Variants in GALNT13 observed in about 807,000 individuals in gnomAD.
GALNT13 encodes the protein UDP-GalNAc:polypeptide N-acetylgalactosaminyltransferase 13.
GALNT13 carries 28 observed loss-of-function variants against 64.2 expected under a neutral mutation model. The observed-to-expected ratio is 0.44, with a 90% CI of 0.32 to 0.60. The LOEUF is 0.60. Ranked by LOEUF, GALNT13 falls within the 20% of genes least tolerant of loss-of-function variation. GALNT13 has a pLI of 0.05. For missense variants in GALNT13, 577 were observed against 669.8 expected, an observed-to-expected ratio of 0.86 and a Z score of 1.53; for synonymous variants, 214 against 224.6, an observed-to-expected ratio of 0.95 and a Z score of 0.42.
intron 3 of GALNT13, among the ~76,000 whole-genome samples, chr2:154,081,068 A>G (rs886838638): frequency 1.3e-5 from 2 of 151,372 alleles, no homozygotes; most frequent in African/African-American, 4.8e-5. Context: ...ATATAAACTG[A>G]GTTTTATGTC....
At chr2:154,301,046 A>C (rs548438072) in intron 8 of GALNT13, among the ~76,000 whole-genome samples, 1 of 152,308 alleles carries the variant, frequency 6.6e-6, no homozygotes, top group Non-Finnish European at 1.5e-5. Flanking sequence ...TTTTTCTCCA[A>C]ATCAAATTTA....
At chr2:153,599,798 A>G in the GALNT13 span, among the ~76,000 whole-genome samples, 2 of 151,974 alleles carry the variant, frequency 1.3e-5, no homozygotes, top group Admixed American at 6.6e-5. Flanking sequence ...TATCTGAAAA[A>G]ACATAATTTA....
the GALNT13 span, among the ~76,000 whole-genome samples, chr2:153,621,095 T>G: frequency 6.6e-6 from 1 of 152,102 alleles, no homozygotes; most frequent in Non-Finnish European, 1.5e-5. Flanking sequence ...CTTCTTGTAC[T>G]TTCTCCCAAA....
At chr2:153,667,909 C>G in the GALNT13 span, among the ~76,000 whole-genome samples, 2 of 151,712 alleles carry the variant, frequency 1.3e-5, no homozygotes, top group Admixed American at 1.3e-4. Context: ...ACCTGTAGGC[C>G]CAAAATAAAG....
At chr2:154,438,232 G>A (rs868499596) in intron 11 of GALNT13, among the ~76,000 whole-genome samples, 4 of 152,186 alleles carry the variant, frequency 2.6e-5, no homozygotes, top group Admixed American at 2.0e-4. Context: ...ACAATAGTAG[G>A]AACAGGGACT....
At chr2:154,256,541 T>C (rs921924027) in intron 7 of GALNT13, among the ~76,000 whole-genome samples, 3 of 152,186 alleles carry the variant, frequency 2.0e-5, no homozygotes, top group Non-Finnish European at 4.4e-5. Context: ...GAGGTAGTTC[T>C]AAATGGTTTT....
At chr2:153,236,374 G>A in the GALNT13 span, among the ~76,000 whole-genome samples, 1 of 152,114 alleles carries the variant, frequency 6.6e-6, no homozygotes, top group Non-Finnish European at 1.5e-5. Flanking sequence ...ATTGGAAAAA[G>A]AGGCCATCTA....
the GALNT13 span, among the ~76,000 whole-genome samples, chr2:153,551,745 G>C: frequency 1.3e-5 from 2 of 152,310 alleles, no homozygotes; most frequent in Admixed American, 1.3e-4. Context: ...CTGTAAAGTT[G>C]TGATGTCCAT....
At chr2:153,833,181 C>T in the GALNT13 span, among the ~76,000 whole-genome samples, 1 of 152,110 alleles carries the variant, frequency 6.6e-6, no homozygotes, top group African/African-American at 2.4e-5. Context: ...CATCAGATCA[C>T]CTATCCTGGT....
At chr2:154,128,966 G>A (rs1682455944) in intron 3 of GALNT13, among the ~76,000 whole-genome samples, 1 of 151,994 alleles carries the variant, frequency 6.6e-6, no homozygotes, top group South Asian at 2.1e-4. Flanking sequence ...AAATATGTGG[G>A]CTTCCTCTCA....
chr2:154,284,260 A>G (rs1315831892), intron 8 of GALNT13, among the ~76,000 whole-genome samples: 5 of 152,160 alleles, frequency 3.3e-5, no homozygotes, highest in Non-Finnish European at 2.9e-5. Flanking sequence ...TTTGACCAAC[A>G]TCTTCTCTTT....
At chr2:154,042,723 T>TATA in intron 3 of GALNT13, among the ~76,000 whole-genome samples, 1 of 145,952 alleles carries the variant, frequency 6.9e-6, no homozygotes, top group Non-Finnish European at 1.5e-5. Flanking sequence ...TATATATATA[T>TATA]TAGGTTTTCA....
intron 11 of GALNT13, among the ~76,000 whole-genome samples, chr2:154,411,041 G>C (rs539909425): frequency 1.5e-3 from 225 of 151,786 alleles, no homozygotes; most frequent in Non-Finnish European, 2.8e-3. Context: ...AGCACCTAAC[G>C]AATACTAGGC....
the GALNT13 span, among the ~76,000 whole-genome samples, chr2:153,474,733 T>C: frequency 2.4e-4 from 37 of 152,300 alleles, no homozygotes; most frequent in African/African-American, 7.9e-4. Context: ...ATTTGCTGTA[T>C]TTCCAGAAGG....
the GALNT13 span, among the ~76,000 whole-genome samples, chr2:153,082,618 TACACACACACACAC>T: frequency 0.089 from 2,621 of 29,612 alleles, 193 homozygotes; most frequent in Non-Finnish European, 0.11. Context: ...TATATATATA[TACACACACACACAC>T]ACACACACAC....
chr2:153,184,573 G>T, the GALNT13 span, among the ~76,000 whole-genome samples: 3 of 152,148 alleles, frequency 2.0e-5, no homozygotes, highest in African/African-American at 7.2e-5. Flanking sequence ...TTCAGCTTTT[G>T]CCCATTCAGT....
At chr2:153,904,257 C>T (rs1290522268) in intron 2 of GALNT13, among the ~76,000 whole-genome samples, 1 of 151,694 alleles carries the variant, frequency 6.6e-6, no homozygotes, top group East Asian at 1.9e-4. Context: ...TAGGTTTGGG[C>T]CATTACCCAA....
chr2:153,659,889 G>A, the GALNT13 span, among the ~76,000 whole-genome samples: 3 of 152,110 alleles, frequency 2.0e-5, no homozygotes, highest in Non-Finnish European at 2.9e-5. Flanking sequence ...ACCAGCCCAG[G>A]AGATAGTCTA....
the GALNT13 span, among the ~76,000 whole-genome samples, chr2:153,620,134 T>G: frequency 6.6e-6 from 1 of 152,130 alleles, no homozygotes; most frequent in African/African-American, 2.4e-5. Flanking sequence ...CATTTATTTT[T>G]ATTTTTTGAG....
Sources: gnomAD v4.1 joint callset for allele counts (sites outside exome capture counted in the v4.1 genomes callset) on GRCh38, gnomAD v4.1.1 for gene constraint, MANE v1.5 for transcripts, NCBI Gene and HGNC (gene_info 2026-07-23, HGNC 2026-07-21) for gene names.